EDAR: variants seen among roughly 807,000 people sequenced by gnomAD.
EDAR encodes ectodysplasin A receptor, also known as tumor necrosis factor receptor superfamily member EDAR.
A neutral mutation model predicts 51.3 loss-of-function variants in EDAR; 38 were observed. The observed-to-expected ratio is 0.74, with a 90% CI of 0.57 to 0.97. The LOEUF (loss-of-function observed/expected upper bound fraction) is 0.97, where lower values mean the gene tolerates loss of function less well. Among genes scored for constraint, EDAR ranks in the 50% least tolerant of loss-of-function variants. The pLI, the probability that EDAR is intolerant of heterozygous loss-of-function variation, is 0.00. For missense variants in EDAR, 528 were observed against 595.0 expected (o/e 0.89, Z 1.17); for synonymous variants, 227 against 242.1 (o/e 0.94, Z 0.58).
chr2:108,906,327 G>A lies in EDAR; in HGVS notation c.1005C>T (p.Asn335=), dbSNP rs776636635. ...RRKKILDVYA[N]VCGVVEGLSP... is the part of the protein sequence containing the mutation. Reference sequence around the variant, plus strand: ...GCTTACCTTCCACGACTCCACACACGTTGGCATACACATCGAGGATCTTTT... The same window carrying A: ...GCTTACCTTCCACGACTCCACACACATTGGCATACACATCGAGGATCTTTT... The change falls in exon 11 of 12, where the codon AAC becomes AAT. Residue 335 remains asparagine (N), a synonymous_variant. Coordinates refer to ENST00000258443, the MANE Select transcript of EDAR (RefSeq NM_022336.4). 40 of 1,613,966 alleles carry A rather than the reference G, an allele frequency of 2.5e-5. No homozygotes were observed. Among genetic ancestry groups the A allele is most frequent in the Middle Eastern group, 1.6e-4 (1 of 6,084 alleles).
chr2:108,974,442 G>A (rs1216082273), intron 1 of EDAR, among the ~76,000 whole-genome samples: 1 of 147,452 alleles, frequency 6.8e-6, no homozygotes, highest in Non-Finnish European at 1.5e-5. Flanking sequence ...ACCATGAAAA[G>A]TAGACATGAC....
intron 1 of EDAR, among the ~76,000 whole-genome samples, chr2:108,934,326 G>A (rs112169919): frequency 1.3e-5 from 2 of 152,262 alleles, no homozygotes; most frequent in African/African-American, 4.8e-5. Flanking sequence ...GCCACTGGGC[G>A]CTGGGGGGCT....
In EDAR at chr2:108,935,697, TG is replaced by T. The variant is rs1457844321; in HGVS notation, c.-18-4666del. ...CACTAGACACCGATTCCCTTAATCT[TG>T]TTAGAGTTCATTCATTTATTCAACA... is the stretch of plus-strand genomic sequence containing the variant. On this transcript the variant is annotated intron_variant, in intron 1 of 11. Coordinates refer to ENST00000258443, the MANE Select transcript of EDAR (RefSeq NM_022336.4). Among the ~76,000 whole-genome samples the T allele has an allele frequency of 4.6e-5, 7 of 152,230 alleles. No individual in the cohort carries two copies. In the East Asian group the frequency reaches 1.3e-3, roughly 29 times the overall value.
chr2:108,955,139 G>A (rs1697895186), intron 1 of EDAR, among the ~76,000 whole-genome samples: 1 of 152,054 alleles, frequency 6.6e-6, no homozygotes, highest in African/African-American at 2.4e-5. Flanking sequence ...TCAAATTTGG[G>A]CTTAATTTAC....
intron 1 of EDAR, among the ~76,000 whole-genome samples, chr2:108,940,023 G>A (rs1437266197): frequency 2.6e-5 from 4 of 152,328 alleles, no homozygotes; most frequent in Admixed American, 6.5e-5. Context: ...TGAAAGACAC[G>A]CTACTAGAAT....
chr2:108,938,791 C>A (rs927066453), intron 1 of EDAR, among the ~76,000 whole-genome samples: 1 of 145,904 alleles, frequency 6.9e-6, no homozygotes. Context: ...CTTCTTCCCC[C>A]CCCGCCCCAC....
At chr2:108,942,850 CTT>C (rs1697633827) in intron 1 of EDAR, among the ~76,000 whole-genome samples, 1 of 152,232 alleles carries the variant, frequency 6.6e-6, no homozygotes, top group Non-Finnish European at 1.5e-5. Context: ...GGCTCCCAGT[CTT>C]TTAAGTTTGA....
At chr2:108,899,068 A>G (rs957205133) in intron 11 of EDAR, among the ~76,000 whole-genome samples, 6 of 152,264 alleles carry the variant, frequency 3.9e-5, no homozygotes, top group African/African-American at 1.2e-4. Context: ...TACAGATTCA[A>G]GAAGATAAGC....
intron 1 of EDAR, among the ~76,000 whole-genome samples, chr2:108,941,079 T>TTG (rs1697584490): frequency 6.6e-6 from 1 of 152,192 alleles, no homozygotes; most frequent in East Asian, 1.9e-4. Context: ...TTGCCTGTTC[T>TTG]AGATCTTCAT....
At chr2:108,955,792 C>T (rs1423628175) in intron 1 of EDAR, among the ~76,000 whole-genome samples, 4 of 152,050 alleles carry the variant, frequency 2.6e-5, no homozygotes, top group South Asian at 4.1e-4. Context: ...TTTGGGAGGC[C>T]GAGGCGGGCA....
intron 1 of EDAR, among the ~76,000 whole-genome samples, chr2:108,984,869 G>T (rs1165767127): frequency 1.3e-5 from 2 of 152,162 alleles, no homozygotes; most frequent in South Asian, 4.1e-4. Context: ...CTGAATGAAT[G>T]AATGTGCACT....
intron 1 of EDAR, among the ~76,000 whole-genome samples, chr2:108,972,036 A>G (rs1339047171): frequency 6.6e-6 from 1 of 152,188 alleles, no homozygotes; most frequent in Non-Finnish European, 1.5e-5. Flanking sequence ...TGGGTCCTCC[A>G]GCCTGGCCTG....
intron 1 of EDAR, among the ~76,000 whole-genome samples, chr2:108,964,833 C>T (rs961078132): frequency 6.6e-6 from 1 of 152,142 alleles, no homozygotes; most frequent in African/African-American, 2.4e-5. Flanking sequence ...GAGCCACAGA[C>T]CCCAAATGTT....
chr2:108,983,051 C>T (rs1277255325), intron 1 of EDAR, among the ~76,000 whole-genome samples: 1 of 152,212 alleles, frequency 6.6e-6, no homozygotes, highest in Non-Finnish European at 1.5e-5. Flanking sequence ...GAAAACCACA[C>T]TCTGCAAATC....
intron 1 of EDAR, among the ~76,000 whole-genome samples, chr2:108,966,509 C>T (rs1698153405): frequency 6.6e-6 from 1 of 152,210 alleles, no homozygotes; most frequent in Admixed American, 6.5e-5. Context: ...AGCCTGTGGT[C>T]TCAGCCATAC....
At chr2:108,968,721 T>A (rs1389938828) in intron 1 of EDAR, among the ~76,000 whole-genome samples, 2 of 152,202 alleles carry the variant, frequency 1.3e-5, no homozygotes, top group Non-Finnish European at 2.9e-5. Context: ...GGGTTAAAGC[T>A]TGATGCTGAT....
chr2:108,950,046 G>A (rs1488896338), intron 1 of EDAR, among the ~76,000 whole-genome samples: 1 of 152,194 alleles, frequency 6.6e-6, no homozygotes, highest in South Asian at 2.1e-4. Context: ...GTGCGGCCTG[G>A]GCATGGTGCC....
chr2:108,948,722 CA>C (rs1697764593), intron 1 of EDAR, among the ~76,000 whole-genome samples: 1 of 152,190 alleles, frequency 6.6e-6, no homozygotes, highest in African/African-American at 2.4e-5. Flanking sequence ...AAACTGCTCC[CA>C]TGATCCAACC....
At chr2:108,981,758 C>T (rs1382004051) in intron 1 of EDAR, among the ~76,000 whole-genome samples, 1 of 152,180 alleles carries the variant, frequency 6.6e-6, no homozygotes, top group East Asian at 1.9e-4. Context: ...GACAGCAAGG[C>T]GAAGTCCATG....
Sources: allele counts gnomAD v4.1 joint callset (sites outside exome capture counted in the v4.1 genomes callset), GRCh38; gene constraint gnomAD v4.1.1; transcripts MANE v1.5; gene names NCBI Gene and HGNC (gene_info 2026-07-23, HGNC 2026-07-21).